Variants in EPB41L3 observed in about 807,000 individuals in gnomAD.
EPB41L3 encodes erythrocyte membrane protein band 4.1 like 3, also known as band 4.1-like protein 3.
In EPB41L3, 57 loss-of-function variants were observed where a neutral mutation model predicts 127.1. The ratio of observed to expected loss-of-function variants is 0.45; its 90% CI spans 0.36 to 0.56. EPB41L3 has a LOEUF of 0.56. EPB41L3 is among the 20% of genes least tolerant of loss of function. The pLI, the probability that EPB41L3 is intolerant of heterozygous loss-of-function variation, is 0.00. For synonymous variants in EPB41L3, 572 were observed against 549.5 expected (o/e 1.04, Z -0.57); for missense variants, 1,273 against 1,372.2 (o/e 0.93, Z 1.14).
intron 3 of EPB41L3, among the ~76,000 whole-genome samples, chr18:5,569,119 A>G (rs1299751307): frequency 6.6e-6 from 1 of 152,226 alleles, no homozygotes; most frequent in Non-Finnish European, 1.5e-5. Context: ...AGGAGCACTC[A>G]AAATTATTCC....
At chr18:5,550,789 TAGC>T (rs959270557) in intron 3 of EPB41L3, among the ~76,000 whole-genome samples, 1 of 152,136 alleles carries the variant, frequency 6.6e-6, no homozygotes, top group African/African-American at 2.4e-5. Context: ...CTGTTTGAGG[TAGC>T]AACTCAAGCA....
chr18:5,602,924 T>C (rs772367042), intron 3 of EPB41L3, among the ~76,000 whole-genome samples: 1 of 152,234 alleles, frequency 6.6e-6, no homozygotes, highest in African/African-American at 2.4e-5. Context: ...ATTCTCTATA[T>C]GCCAGGGAAG....
chr18:5,554,457 TG>T (rs1190708750), intron 3 of EPB41L3, among the ~76,000 whole-genome samples: 1 of 152,192 alleles, frequency 6.6e-6, no homozygotes, highest in East Asian at 1.9e-4. Flanking sequence ...GAAGGAGATT[TG>T]GAAGGAAGAA....
At chr18:5,415,578 T>A (rs1303888116) in intron 13 of EPB41L3, among the ~76,000 whole-genome samples, 2 of 152,182 alleles carry the variant, frequency 1.3e-5, no homozygotes, top group African/African-American at 4.8e-5. Context: ...TCATCCCACG[T>A]AGAACTCAGT....
intron 3 of EPB41L3, among the ~76,000 whole-genome samples, chr18:5,610,891 A>G (rs370332847): frequency 1.2e-4 from 18 of 152,332 alleles, no homozygotes; most frequent in African/African-American, 4.3e-4. Context: ...AAACCATGAT[A>G]ATTGCTCTAT....
rs566028554 is a variant in EPB41L3 at position 5,444,355 on chromosome 18, T to C, written c.487-475A>G. On this transcript the variant is annotated intron_variant, in intron 4 of 22. Transcript: ENST00000341928. ...TGCCTGTGATTTCCGATTTTCCTCATTGGTAAAATCAGATGTTTAATAATG... is the reference window on the plus strand; with the variant it reads ...TGCCTGTGATTTCCGATTTTCCTCACTGGTAAAATCAGATGTTTAATAATG... Among the ~76,000 whole-genome samples the C allele has an allele frequency of 2.4e-3, 371 of 152,322 alleles. 3 individuals are homozygous for C. The highest frequency in any genetic ancestry group is 3.4e-3 in the Non-Finnish European group (230 of 68,030).
At chr18:5,566,787 CT>C (rs1568584117) in intron 3 of EPB41L3, among the ~76,000 whole-genome samples, 129 of 141,654 alleles carry the variant, frequency 9.1e-4, no homozygotes, top group African/African-American at 2.1e-3. Context: ...CTATTCTATT[CT>C]ATTCCATTCC....
At chr18:5,425,048 T>C (rs1039579681) in intron 9 of EPB41L3, among the ~76,000 whole-genome samples, 2 of 152,184 alleles carry the variant, frequency 1.3e-5, no homozygotes, top group African/African-American at 4.8e-5. Context: ...TCCTGCATAA[T>C]ATACTTTATT....
chr18:5,497,072 G>C (rs995224192), intron 1 of EPB41L3, among the ~76,000 whole-genome samples: 1 of 152,182 alleles, frequency 6.6e-6, no homozygotes, highest in Non-Finnish European at 1.5e-5. Flanking sequence ...ATGCAGATAC[G>C]CACAGTGGCG....
At chr18:5,629,759 C>T (rs1014819741), upstream of EPB41L3, among the ~76,000 whole-genome samples, 20 of 152,206 alleles carry the variant, frequency 1.3e-4, no homozygotes, top group Non-Finnish European at 2.2e-4. Flanking sequence ...AACTGGCCAG[C>T]CCCACTCGCG....
intron 1 of EPB41L3, among the ~76,000 whole-genome samples, chr18:5,504,462 C>T (rs2091990219): frequency 6.6e-6 from 1 of 152,156 alleles, no homozygotes; most frequent in Admixed American, 6.5e-5. Context: ...CAGAGTCACA[C>T]AGGAGTGGGA....
At chr18:5,482,206 A>G (rs1599568588) in intron 2 of EPB41L3, among the ~76,000 whole-genome samples, 1 of 152,356 alleles carries the variant, frequency 6.6e-6, no homozygotes, top group African/African-American at 2.4e-5. Context: ...CAGAACTGAG[A>G]AATACATTTG....
At chr18:5,413,389 T>C (rs901938624) in intron 13 of EPB41L3, among the ~76,000 whole-genome samples, 12 of 152,304 alleles carry the variant, frequency 7.9e-5, no homozygotes, top group South Asian at 2.1e-4. Context: ...ATGTGAAATA[T>C]TGAAGCCTTT....
At chr18:5,525,518 A>G (rs2093187012) in intron 1 of EPB41L3, among the ~76,000 whole-genome samples, 1 of 152,278 alleles carries the variant, frequency 6.6e-6, no homozygotes, top group South Asian at 2.1e-4. Context: ...ATACTAAAGA[A>G]CTTGCCTATG....
chr18:5,410,625 G>C lies in EPB41L3; in HGVS notation c.2068-6C>G, dbSNP rs200649263. On this transcript the variant is annotated splice_region_variant and splice_polypyrimidine_tract_variant and intron_variant, in intron 13 of 22. Coordinates refer to ENST00000341928, the MANE Select transcript of EPB41L3 (RefSeq NM_012307.5). ...TCCGTGCGCTCACTGTCAGTCTGTT[G>C]ACCACAGAAGTGATCAGGTTCCAGG... is the stretch of plus-strand genomic sequence containing the variant. 1,609 of 1,612,006 alleles carry C rather than the reference G, an allele frequency of 1.0e-3. 2 individuals carry two copies. Among genetic ancestry groups the C allele is most frequent in the Non-Finnish European group, 1.2e-3 (1,445 of 1,178,788 alleles).
chr18:5,609,911 A>T (rs940388367), intron 3 of EPB41L3, among the ~76,000 whole-genome samples: 2 of 152,140 alleles, frequency 1.3e-5, no homozygotes, highest in African/African-American at 2.4e-5. Context: ...AACTTTTGCC[A>T]TTGAATATGA....
At chr18:5,559,314 G>A (rs1032605865) in intron 3 of EPB41L3, among the ~76,000 whole-genome samples, 1 of 152,042 alleles carries the variant, frequency 6.6e-6, no homozygotes, top group African/African-American at 2.4e-5. Context: ...TCTTAACTTG[G>A]AACACAGACT....
intron 1 of EPB41L3, among the ~76,000 whole-genome samples, chr18:5,504,662 C>T (rs1028645363): frequency 1.3e-5 from 2 of 152,178 alleles, no homozygotes; most frequent in East Asian, 1.9e-4. Flanking sequence ...TACTGGCATT[C>T]CTCTCCAGCT....
intron 3 of EPB41L3, among the ~76,000 whole-genome samples, chr18:5,446,032 A>G (rs2146363286): frequency 6.6e-6 from 1 of 152,306 alleles, no homozygotes; most frequent in East Asian, 1.9e-4. Flanking sequence ...TGAGCCTGAG[A>G]AGAATTAACC....
Sources: gnomAD v4.1 joint callset for allele counts (sites outside exome capture counted in the v4.1 genomes callset) on GRCh38, gnomAD v4.1.1 for gene constraint, MANE v1.5 for transcripts, NCBI Gene and HGNC (gene_info 2026-07-23, HGNC 2026-07-21) for gene names.